CTBP2: variants seen among roughly 807,000 people sequenced by gnomAD.
CTBP2 encodes the protein C-terminal binding protein 2.
Under a neutral mutation model 80.3 loss-of-function variants are expected in CTBP2, and 30 were observed. The observed-to-expected ratio is 0.37, with a 90% CI of 0.28 to 0.51. The LOEUF is 0.51. Ranked by LOEUF, CTBP2 falls within the 20% of genes least tolerant of loss-of-function variation. The probability of loss-of-function intolerance (pLI) is 0.93; values close to 1 mark genes in which losing one functional copy is unlikely to be tolerated. For synonymous variants in CTBP2, 594 were observed against 587.4 expected (o/e 1.01, Z -0.16); for missense variants, 1,212 against 1,375.3 (o/e 0.88, Z 1.88).
intron 2 of CTBP2, among the ~76,000 whole-genome samples, chr10:125,082,246 C>T (rs1847281076): frequency 6.6e-6 from 1 of 152,236 alleles, no homozygotes. Flanking sequence ...CATCCATGCT[C>T]CTTACAGCCA....
rs115767530 is a variant in CTBP2 at position 125,153,402 on chromosome 10, G to T, written c.-206+6917C>A. 1.8e-3 allele frequency among the ~76,000 whole-genome samples: 278 copies of T among 152,302 alleles called. 1 individual carries two copies. The highest frequency in any genetic ancestry group is 6.3e-3 in the African/African-American group (260 of 41,574). Reference sequence around the variant, plus strand: ...GTCTCCCTGGACCTGAACAAGCAGCGGATAAGCCGACTGTGTTTGCACTTC... The same window carrying T: ...GTCTCCCTGGACCTGAACAAGCAGCTGATAAGCCGACTGTGTTTGCACTTC... On this transcript the variant is annotated intron_variant, in intron 1 of 10. Coordinates refer to the CTBP2 transcript ENST00000337195.
chr10:125,022,162 G>A (rs1957109067), intron 1 of CTBP2, among the ~76,000 whole-genome samples: 1 of 151,972 alleles, frequency 6.6e-6, no homozygotes, highest in Non-Finnish European at 1.5e-5. Context: ...GTCTGGCTGC[G>A]GTGCTGAGCT....
rs557930875 is a variant in CTBP2 at position 125,151,039 on chromosome 10, C to T, written c.-206+9280G>A. On this transcript the variant is annotated intron_variant, in intron 1 of 10. Coordinates refer to the CTBP2 transcript ENST00000337195. Reference sequence around the variant, plus strand: ...TTTTACCAATGAAGAGTCAGGGCAACGCAACAACACACAATGGCCCAGCGA... The same window carrying T: ...TTTTACCAATGAAGAGTCAGGGCAATGCAACAACACACAATGGCCCAGCGA... Among the ~76,000 whole-genome samples the T allele has an allele frequency of 9.9e-5, 15 of 151,932 alleles. No homozygotes were observed. In the East Asian group the frequency reaches 2.2e-3, roughly 22 times the overall value.
At chr10:125,002,157 A>G (rs1313772702) in intron 3 of CTBP2, among the ~76,000 whole-genome samples, 1 of 152,168 alleles carries the variant, frequency 6.6e-6, no homozygotes, top group South Asian at 2.1e-4. Context: ...CAGCACTCGT[A>G]AGGCAGAGTA....
chr10:125,157,502 C>G (rs1261535303), intron 1 of CTBP2, among the ~76,000 whole-genome samples: 2 of 151,998 alleles, frequency 1.3e-5, no homozygotes, highest in African/African-American at 4.8e-5. Context: ...AAGCTCCAAA[C>G]CCAAGATCTT....
chr10:125,142,768 C>G (rs1170087831), intron 1 of CTBP2, among the ~76,000 whole-genome samples: 1 of 152,160 alleles, frequency 6.6e-6, no homozygotes, highest in Admixed American at 6.5e-5. Context: ...ACACACCCCA[C>G]CAGGCTTCCT....
intron 1 of CTBP2, among the ~76,000 whole-genome samples, chr10:125,149,397 C>A (rs1425542069): frequency 6.6e-6 from 1 of 152,126 alleles, no homozygotes; most frequent in Non-Finnish European, 1.5e-5. Context: ...TGTTTAAAAA[C>A]TGCAGGGGGC....
At chr10:125,144,771 C>T (rs1346332631) in intron 1 of CTBP2, among the ~76,000 whole-genome samples, 2 of 152,232 alleles carry the variant, frequency 1.3e-5, no homozygotes, top group African/African-American at 4.8e-5. Flanking sequence ...CCATCTTTGA[C>T]TTGTGTACAT....
At chr10:125,113,616 T>C (rs1415143703) in intron 1 of CTBP2, among the ~76,000 whole-genome samples, 3 of 152,150 alleles carry the variant, frequency 2.0e-5, no homozygotes, top group Admixed American at 2.0e-4. Flanking sequence ...GAAGGAGGGA[T>C]GGAAAAGGAA....
chr10:125,138,871 G>A (rs1857362353), intron 1 of CTBP2, among the ~76,000 whole-genome samples: 1 of 152,146 alleles, frequency 6.6e-6, no homozygotes, highest in Non-Finnish European at 1.5e-5. Flanking sequence ...TCGGCTAACT[G>A]TGCAAAGGAA....
In CTBP2 at chr10:125,026,663, C is replaced by T. The variant is rs564546229; in HGVS notation, c.1097G>A (p.Arg366Gln). ...GTGGCTGAAGCTGCTGGACCGCGCC[C>T]GGGGCAGCGGGCCCCCCCGGTCCTG... The change falls in exon 1 of 9, where the codon CGG (arginine) becomes CAG (glutamine). Residue 366 changes from arginine to glutamine, a missense_variant. Arg to Gln is a conservative substitution (Grantham distance 43). Coordinates refer to ENST00000309035, the MANE Select transcript of CTBP2 (RefSeq NM_022802.3). 6.9e-6 allele frequency: 11 copies of T among 1,602,006 alleles called. No individual in the cohort carries two copies. The highest frequency in any genetic ancestry group is 4.5e-5 in the East Asian group (2 of 44,116).
At chr10:125,043,926 C>G (rs1037992166) in intron 2 of CTBP2, among the ~76,000 whole-genome samples, 24 of 152,164 alleles carry the variant, frequency 1.6e-4, no homozygotes, top group African/African-American at 5.6e-4. Context: ...TTAATAAAGG[C>G]AGACCGAGTT....
chr10:125,128,564 A>G (rs1423709236), intron 1 of CTBP2, among the ~76,000 whole-genome samples: 1 of 152,230 alleles, frequency 6.6e-6, no homozygotes, highest in African/African-American at 2.4e-5. Flanking sequence ...CCAACGGTGC[A>G]GACCCCTGCC....
In CTBP2 at chr10:125,027,110, C is replaced by CT; in HGVS notation, c.649dup (p.Arg217LysfsTer4). 1 of 1,607,378 alleles carries CT rather than the reference C, an allele frequency of 6.2e-7. No homozygotes were observed. Among genetic ancestry groups the CT allele is most frequent in the Non-Finnish European group, 8.5e-7 (1 of 1,175,414 alleles). On this transcript the variant is annotated frameshift_variant, in exon 1 of 9. Transcript: ENST00000309035. LOFTEE classifies it high-confidence loss of function. The stretch of plus-strand genomic sequence containing the variant: ...TCTGGCAGGGGCAGGGTCAATGGGT[C>CT]TTTCGCTGATGTCGCTGAAGACCTG...
rs1418001382 is a variant in CTBP2, at chr10:124,985,806, C to T, written c.*3712G>A. On this transcript the variant is annotated 3_prime_UTR_variant, in exon 9 of 9. Coordinates refer to ENST00000309035, the MANE Select transcript of CTBP2 (RefSeq NM_022802.3). ...ATGAAAAGGGAGCAAGCCCACTTGT[C>T]ACTAAATGAATTGTGTGAAATGTGC... The T allele has an allele frequency of 6.6e-6, 1 of 152,226 alleles. No homozygotes were observed. Among genetic ancestry groups the T allele is most frequent in the Non-Finnish European group, 1.5e-5 (1 of 68,040 alleles). 9.4% of individuals were successfully genotyped at this position (152,226 alleles called of 1,614,324 possible). A position where few individuals can be genotyped will look rare whatever the true frequency, so the allele number is the denominator to read the frequency against.
chr10:125,040,487 A>C (rs1028234478), intron 2 of CTBP2, among the ~76,000 whole-genome samples: 7 of 147,290 alleles, frequency 4.8e-5, no homozygotes, highest in African/African-American at 1.5e-4. Flanking sequence ...AGGTGGCTTG[A>C]ATCTCAACTG....
At chr10:125,106,611 C>G (rs947271101) in intron 2 of CTBP2, among the ~76,000 whole-genome samples, 2 of 152,232 alleles carry the variant, frequency 1.3e-5, no homozygotes, top group Admixed American at 6.5e-5. Flanking sequence ...GCAACAGAGA[C>G]TCCTGGCCCC....
intron 1 of CTBP2, among the ~76,000 whole-genome samples, chr10:125,140,011 C>A (rs970600055): frequency 1.1e-4 from 17 of 152,040 alleles, no homozygotes; most frequent in Non-Finnish European, 2.4e-4. Flanking sequence ...CTGAACTGTC[C>A]CTGAACCCTT....
intron 2 of CTBP2, among the ~76,000 whole-genome samples, chr10:125,056,188 T>A (rs1249239806): frequency 6.8e-6 from 1 of 148,068 alleles, no homozygotes; most frequent in African/African-American, 2.5e-5. Context: ...ATAATAATAA[T>A]AATAATAGTA....
Sources: gnomAD v4.1 joint callset for allele counts (sites outside exome capture counted in the v4.1 genomes callset) on GRCh38, gnomAD v4.1.1 for gene constraint, MANE v1.5 for transcripts, NCBI Gene and HGNC (gene_info 2026-07-23, HGNC 2026-07-21) for gene names.